Variants in ZNF783 observed in about 807,000 individuals in gnomAD.
ZNF783 encodes the protein protein ZNF783.
A neutral mutation model predicts 31.3 loss-of-function variants in ZNF783; 25 were observed. The ratio of observed to expected loss-of-function variants is 0.80; its 90% CI spans 0.58 to 1.11. ZNF783 has a LOEUF of 1.11. Ranked by LOEUF, ZNF783 falls within the 50% of genes most tolerant of loss-of-function variation. The pLI is 0.00. For synonymous variants in ZNF783, 369 were observed against 319.1 expected, an observed-to-expected ratio of 1.16 and a Z score of -1.66; for missense variants, 797 against 760.0, an observed-to-expected ratio of 1.05 and a Z score of -0.57.
chr7:149,277,881 A>T (rs912088841), intron 4 of ZNF783: 1 of 159,946 alleles, frequency 6.3e-6, no homozygotes, highest in Non-Finnish European at 1.4e-5. Context: ...GCGGGCACTG[A>T]TTAAACATGT....
At position 149,263,294 on chromosome 7, in the gene ZNF783, G is replaced by A. The variant is rs1416905608; in HGVS notation, c.24+937G>A. ...TGTGTGTGTGTGTGTGTGTGTGTGTGTGTGTGTGTGTATATATATATATAT... is the reference window on the plus strand; with the variant it reads ...TGTGTGTGTGTGTGTGTGTGTGTGTATGTGTGTGTGTATATATATATATAT... On this transcript the variant is annotated intron_variant, in intron 1 of 5. Transcript: ENST00000434415. Among the ~76,000 whole-genome samples, 253 of 73,774 alleles carry A rather than the reference G, an allele frequency of 3.4e-3. 1 individual carries two copies. Among genetic ancestry groups the A allele is most frequent in the African/African-American group, 0.011 (223 of 19,664 alleles). The allele number at this position is 73,774 out of a possible 152,430, so 48.4% of individuals were successfully genotyped here. A position where few individuals can be genotyped will look rare whatever the true frequency, so the allele number is the denominator to read the frequency against.
chr7:149,271,230 G>A (rs1039933003), intron 4 of ZNF783, among the ~76,000 whole-genome samples: 2 of 152,212 alleles, frequency 1.3e-5, no homozygotes, highest in Admixed American at 6.5e-5. Context: ...GAGCCACGGC[G>A]CCCAGCCTGG....
chr7:149,266,051 G>A (rs960268526), intron 1 of ZNF783, among the ~76,000 whole-genome samples: 9 of 152,218 alleles, frequency 5.9e-5, no homozygotes, highest in African/African-American at 2.2e-4. Flanking sequence ...AGCCTGTGGG[G>A]CATGCCCCGT....
In ZNF783 at chr7:149,266,871, G is replaced by A; in HGVS notation, c.473G>A (p.Gly158Asp). The A allele has an allele frequency of 6.2e-7, 1 of 1,614,106 alleles. No individual in the cohort carries two copies. Among genetic ancestry groups the A allele is most frequent in the Non-Finnish European group, 8.5e-7 (1 of 1,180,026 alleles). The part of the protein sequence containing the change: ...VAVYFSELEW[G>D]KLEDWQKELY... ...GTGTATTTCTCTGAGCTGGAGTGGG[G>A]CAAGCTGGAGGACTGGCAGAAGGAG... is the stretch of plus-strand genomic sequence containing the variant. Residue 158 changes from glycine (G) to aspartate (D), a missense_variant, in exon 3 of 6, where the codon GGC becomes GAC. Transcript: ENST00000434415.
chr7:149,263,296 GTGTGTGTGTATATATATATA>G (rs1367694397), intron 1 of ZNF783, among the ~76,000 whole-genome samples: 27 of 71,092 alleles, frequency 3.8e-4, no homozygotes, highest in African/African-American at 1.3e-3. Context: ...GTGTGTGTGT[GTGTGTGTGTATATATATATA>G]TATATATATT....
At chr7:149,271,661 AT>A (rs1335000656) in intron 4 of ZNF783, among the ~76,000 whole-genome samples, 1 of 152,224 alleles carries the variant, frequency 6.6e-6, no homozygotes, top group African/African-American at 2.4e-5. Flanking sequence ...CGAAGTCAAA[AT>A]GATTTAACAG....
chr7:149,263,223 G>A (rs1014447237), intron 1 of ZNF783, among the ~76,000 whole-genome samples: 3 of 151,032 alleles, frequency 2.0e-5, no homozygotes, highest in Non-Finnish European at 4.4e-5. Flanking sequence ...TACCGCGCCC[G>A]GCCATTTTAA....
intron 4 of ZNF783, among the ~76,000 whole-genome samples, chr7:149,271,637 A>T (rs1797213403): frequency 6.6e-6 from 1 of 152,216 alleles, no homozygotes. Flanking sequence ...AATATGTAAG[A>T]TATTTTATGT....
At chr7:149,269,518 T>G (rs1424945623) in intron 4 of ZNF783, among the ~76,000 whole-genome samples, 1 of 152,204 alleles carries the variant, frequency 6.6e-6, no homozygotes, top group Non-Finnish European at 1.5e-5. Context: ...GGAGGGTATT[T>G]CCTAGGTTTT....
In ZNF783 at chr7:149,266,574, C is replaced by A. The variant is rs750216220; in HGVS notation, c.264C>A (p.Phe88Leu). The change falls in exon 2 of 6, where the codon TTC (phenylalanine) becomes TTA (leucine). Residue 88 changes from phenylalanine to leucine, a missense_variant. Transcript: ENST00000434415. ...LADCEKTAVE[F>L]GNQLEGKWAV... ...ACTGCGAGAAGACAGCTGTGGAGTT[C>A]GGGAACCAGCTGGAGGGCAAGTGGG... 3 of 1,614,172 alleles carry A rather than the reference C, an allele frequency of 1.9e-6. No homozygotes were observed. In the Admixed American group the frequency reaches 5.0e-5, roughly 27 times the overall value.
At position 149,262,358 on chromosome 7, in the gene ZNF783, G is replaced by A. The variant is rs1452671321; in HGVS notation, c.24+1G>A. The A allele has an allele frequency of 8.7e-5, 115 of 1,317,716 alleles. No homozygotes were observed. Among genetic ancestry groups the A allele is most frequent in the Non-Finnish European group, 1.0e-4 (104 of 1,030,646 alleles). The allele number at this position is 1,317,716 out of a possible 1,614,324, so 81.6% of individuals were successfully genotyped here. ...CATGGCCGAAGCGGCGCCTGCCCGG[G>A]TAAGCGCCCTCGGCCCCGCGGACGC... On this transcript the variant is annotated splice_donor_variant, in intron 1 of 5. Coordinates refer to ENST00000434415, the MANE Select transcript of ZNF783 (RefSeq NM_001195220.2). LOFTEE classifies it high-confidence loss of function.
At chr7:149,273,158 A>G (rs1051170209) in intron 4 of ZNF783, among the ~76,000 whole-genome samples, 1 of 152,174 alleles carries the variant, frequency 6.6e-6, no homozygotes. Flanking sequence ...CTGTTGATGG[A>G]CACTTAGGTT....
At position 149,283,994 on chromosome 7, in the gene ZNF783, T is replaced by G. The variant is rs886880866; in HGVS notation, c.*1651T>G. The G allele has an allele frequency of 1.3e-5, 2 of 152,192 alleles. No individual in the cohort carries two copies. The highest frequency in any genetic ancestry group is 2.9e-5 in the Non-Finnish European group (2 of 68,032). 9.4% of individuals were successfully genotyped at this position (152,192 alleles called of 1,614,324 possible). A position where few individuals can be genotyped will look rare whatever the true frequency, so the allele number is the denominator to read the frequency against. The stretch of plus-strand genomic sequence containing the variant: ...TCTGTTCCCCAGGAGTCCTTTGTAT[T>G]TTGGTGAACAAATTCTTACCAAAGC... On this transcript the variant is annotated 3_prime_UTR_variant, in exon 6 of 6. Transcript: ENST00000434415.
chr7:149,278,426 C>G lies in ZNF783; in HGVS notation c.701C>G (p.Thr234Ser). 4.4e-6 allele frequency: 7 copies of G among 1,599,372 alleles called. No individual in the cohort carries two copies. Among genetic ancestry groups the G allele is most frequent in the Non-Finnish European group, 5.9e-6 (7 of 1,179,752 alleles). Residue 234 changes from threonine to serine, a missense_variant, in exon 5 of 6, where the codon ACC becomes AGC. By Grantham distance (58) the Thr-to-Ser change is moderately conservative. Coordinates refer to ENST00000434415, the MANE Select transcript of ZNF783 (RefSeq NM_001195220.2). ...TGLPPYPEHL[T>S]SPLSPAQEEL... ...CTCCCTCCGTATCCAGAGCACCTCA[C>G]CAGCCCACTTAGCCCTGCCCAGGAG... is the stretch of plus-strand genomic sequence containing the variant.
chr7:149,264,254 C>T (rs1563193321), intron 1 of ZNF783, among the ~76,000 whole-genome samples: 1 of 152,172 alleles, frequency 6.6e-6, no homozygotes, highest in African/African-American at 2.4e-5. Context: ...ATGAATGAAG[C>T]AATTATAGAT....
chr7:149,274,025 C>CT (rs1241550357), intron 4 of ZNF783, among the ~76,000 whole-genome samples: 1 of 152,096 alleles, frequency 6.6e-6, no homozygotes, highest in Non-Finnish European at 1.5e-5. Context: ...TGTGGGGTGT[C>CT]TTTTCACTTT....
chr7:149,273,453 A>G (rs76091474), intron 4 of ZNF783, among the ~76,000 whole-genome samples: 1 of 152,098 alleles, frequency 6.6e-6, no homozygotes, highest in South Asian at 2.1e-4. Flanking sequence ...CTTAACTGGG[A>G]TGAGATGATA....
intron 4 of ZNF783, among the ~76,000 whole-genome samples, chr7:149,272,681 T>C (rs1797234555): frequency 6.6e-6 from 1 of 152,182 alleles, no homozygotes. Context: ...TGTGTAATAA[T>C]GACCTCAGGG....
rs573328772 is a variant in ZNF783 at position 149,282,269 on chromosome 7, C to T, written c.1567C>T (p.Pro523Ser). The change falls in exon 6 of 6, where the codon CCA becomes TCA. Residue 523 changes from proline (P) to serine (S), a missense_variant. Pro to Ser is a moderately conservative substitution (Grantham distance 74). Transcript: ENST00000434415. ...MQTHARGQVG[P>S]HFPAAPARHG... ...GACCCACGCCCGAGGCCAGGTGGGC[C>T]CACACTTCCCTGCCGCCCCCGCCCG... The T allele has an allele frequency of 1.9e-5, 30 of 1,590,516 alleles. No homozygotes were observed. In the African/African-American group the frequency reaches 3.2e-4, roughly 17 times the overall value.
Sources: allele counts gnomAD v4.1 joint callset (sites outside exome capture counted in the v4.1 genomes callset), GRCh38; gene constraint gnomAD v4.1.1; transcripts MANE v1.5; gene names NCBI Gene and HGNC (gene_info 2026-07-23, HGNC 2026-07-21).